Variants in RALB observed in about 807,000 individuals in gnomAD.
The protein encoded by RALB is ras-related protein Ral-B.
In RALB, 16 loss-of-function variants were observed where a neutral mutation model predicts 21.3. The ratio of observed to expected loss-of-function variants is 0.75; its 90% CI spans 0.51 to 1.14. RALB has a LOEUF of 1.14. Ranked by LOEUF, RALB falls within the 50% of genes most tolerant of loss-of-function variation. The probability of loss-of-function intolerance (pLI) is 0.00; values close to 1 mark genes in which losing one functional copy is unlikely to be tolerated. For missense variants in RALB, 161 were observed against 256.2 expected, an observed-to-expected ratio of 0.63 and a Z score of 2.54; for synonymous variants, 93 against 96.1, an observed-to-expected ratio of 0.97 and a Z score of 0.19.
intron 2 of RALB, among the ~76,000 whole-genome samples, chr2:120,282,133 C>A (rs1000178048): frequency 6.6e-6 from 1 of 152,092 alleles, no homozygotes; most frequent in Non-Finnish European, 1.5e-5. Flanking sequence ...GATTCCCCTA[C>A]AGTGTTAGTG....
intron 1 of RALB, among the ~76,000 whole-genome samples, chr2:120,273,018 T>C (rs934952029): frequency 1.3e-5 from 2 of 152,212 alleles, no homozygotes; most frequent in Admixed American, 6.5e-5. Flanking sequence ...AAGTTTCTTA[T>C]CTCTAATACC....
upstream of RALB, chr2:120,252,773 A>G (rs1689084294): frequency 1.0e-6 from 1 of 985,178 alleles, no homozygotes; most frequent in Non-Finnish European, 1.2e-6. Flanking sequence ...TTCCGAGGAG[A>G]GGGCAAGAAC....
intron 1 of RALB, among the ~76,000 whole-genome samples, chr2:120,254,564 C>T (rs1404545934): frequency 6.6e-6 from 1 of 152,168 alleles, no homozygotes; most frequent in Non-Finnish European, 1.5e-5. Flanking sequence ...TCTTCCACGG[C>T]ATATGAAGAG....
chr2:120,261,040 A>G (rs1689354005), intron 1 of RALB, among the ~76,000 whole-genome samples: 2 of 152,226 alleles, frequency 1.3e-5, no homozygotes, highest in Admixed American at 6.5e-5. Flanking sequence ...CTCCAGACCT[A>G]CTGAATCAGA....
intron 1 of RALB, among the ~76,000 whole-genome samples, chr2:120,245,403 G>A (rs1230840222): frequency 6.6e-6 from 1 of 152,232 alleles, no homozygotes; most frequent in Admixed American, 6.5e-5. Flanking sequence ...CTGAACTGCT[G>A]AGGGGAGGGG....
chr2:120,251,386 G>A (rs1689052856), upstream of RALB, among the ~76,000 whole-genome samples: 1 of 152,176 alleles, frequency 6.6e-6, no homozygotes, highest in African/African-American at 2.4e-5. Flanking sequence ...CATTCCTGAG[G>A]CACTCACCAA....
intron 2 of RALB, among the ~76,000 whole-genome samples, chr2:120,283,644 G>T (rs1235555103): frequency 6.6e-6 from 1 of 152,206 alleles, no homozygotes; most frequent in Admixed American, 6.5e-5. Flanking sequence ...TTTTGGGAGA[G>T]TAAGGTTGGG....
At chr2:120,269,807 G>C (rs1321974629) in intron 1 of RALB, among the ~76,000 whole-genome samples, 1 of 152,178 alleles carries the variant, frequency 6.6e-6, no homozygotes, top group Non-Finnish European at 1.5e-5. Context: ...AATTATTCTT[G>C]TAATTATATC....
At chr2:120,256,113 C>T (rs1032965776) in intron 1 of RALB, among the ~76,000 whole-genome samples, 1 of 152,056 alleles carries the variant, frequency 6.6e-6, no homozygotes, top group African/African-American at 2.4e-5. Flanking sequence ...CTGGGGACAG[C>T]TTGGCTGGGT....
At chr2:120,260,048 C>T (rs971903657) in intron 1 of RALB, among the ~76,000 whole-genome samples, 10 of 152,322 alleles carry the variant, frequency 6.6e-5, no homozygotes, top group East Asian at 3.9e-4. Flanking sequence ...GCTCCGAGTG[C>T]GGGGCCCACC....
intron 2 of RALB, chr2:120,280,714 GAAA>G: frequency 4.3e-6 from 1 of 233,378 alleles, no homozygotes; most frequent in Non-Finnish European, 8.6e-6. Flanking sequence ...AAAGTAAAAA[GAAA>G]AAAAAAAAAA....
rs1428999300 is a variant in RALB at position 120,294,482 on chromosome 2, A to G, written c.*1222A>G. On this transcript the variant is annotated 3_prime_UTR_variant, in exon 5 of 5. Transcript: ENST00000272519. ...AGCAAACTGAAAGATTTTCATCAGG[A>G]AAGGAGCACTGTGGGAAGAGCCCAG... The G allele has an allele frequency of 2.6e-6, 1 of 385,738 alleles. No individual in the cohort carries two copies. The highest frequency in any genetic ancestry group is 4.5e-5 in the Admixed American group (1 of 22,308). The allele number at this position is 385,738 out of a possible 1,614,324, so 23.9% of individuals were successfully genotyped here. A position where few individuals can be genotyped will look rare whatever the true frequency, so the allele number is the denominator to read the frequency against.
intron 1 of RALB, among the ~76,000 whole-genome samples, chr2:120,244,826 G>T (rs1383709439): frequency 6.6e-6 from 1 of 152,220 alleles, no homozygotes; most frequent in East Asian, 1.9e-4. Flanking sequence ...GATCTGGGGA[G>T]AGATTGTCCA....
intron 1 of RALB, among the ~76,000 whole-genome samples, chr2:120,271,121 C>T (rs1024897101): frequency 1.3e-5 from 2 of 152,182 alleles, no homozygotes; most frequent in Admixed American, 6.5e-5. Context: ...CATTTGGACA[C>T]GACTTACCAA....
Position 120,258,860 on chromosome 2 carries a change from C to T in RALB, c.-48+5880C>T, listed in dbSNP as rs573589040. On this transcript the variant is annotated intron_variant, in intron 1 of 4. Coordinates refer to ENST00000272519, the MANE Select transcript of RALB (RefSeq NM_002881.3). Reference sequence around the variant, plus strand: ...CTCACTGACTTCAAGAATGAAGCCGCGGACCCTCGCGGTGAGTGTTACAGC... The same window carrying T: ...CTCACTGACTTCAAGAATGAAGCCGTGGACCCTCGCGGTGAGTGTTACAGC... Among the ~76,000 whole-genome samples, 28 of 152,300 alleles carry T rather than the reference C, an allele frequency of 1.8e-4. 1 individual carries two copies. The South Asian group carries it at 3.3e-3, about 18-fold the overall frequency.
chr2:120,255,535 T>A, intron 1 of RALB, among the ~76,000 whole-genome samples: 1 of 152,180 alleles, frequency 6.6e-6, no homozygotes, highest in East Asian at 1.9e-4. Flanking sequence ...TATTGGTGTA[T>A]GTGTACATAT....
At chr2:120,287,661 C>CCT (rs1690198988) in intron 3 of RALB, among the ~76,000 whole-genome samples, 1 of 152,218 alleles carries the variant, frequency 6.6e-6, no homozygotes, top group Non-Finnish European at 1.5e-5. Flanking sequence ...TGCTCCTTGT[C>CCT]CTCTCCTCAG....
intron 3 of RALB, 65 bp downstream of exon 3, chr2:120,286,147 G>C (rs534126791): frequency 3.8e-4 from 537 of 1,399,148 alleles, no homozygotes; most frequent in Non-Finnish European, 5.2e-4. Flanking sequence ...TATGTCTTAG[G>C]CCTATGAAGA....
intron 4 of RALB, among the ~76,000 whole-genome samples, chr2:120,292,279 GA>G (rs1690322965): frequency 6.6e-6 from 1 of 152,178 alleles, no homozygotes; most frequent in Admixed American, 6.5e-5. Context: ...AGGGTGGCCA[GA>G]AGGACATCTC....
Sources: allele counts gnomAD v4.1 joint callset (sites outside exome capture counted in the v4.1 genomes callset), GRCh38; gene constraint gnomAD v4.1.1; transcripts MANE v1.5; gene names NCBI Gene and HGNC (gene_info 2026-07-23, HGNC 2026-07-21).